The following MACROD2 variants were observed in gnomAD, a reference collection of about 807,000 sequenced individuals.
The protein encoded by MACROD2 is mono-ADP ribosylhydrolase 2.
Under a neutral mutation model 70.4 loss-of-function variants are expected in MACROD2, and 36 were observed. The observed-to-expected ratio is 0.51, with a 90% CI of 0.39 to 0.68. The LOEUF (loss-of-function observed/expected upper bound fraction) is 0.68, where lower values mean the gene tolerates loss of function less well. Ranked by LOEUF, MACROD2 falls within the 30% of genes least tolerant of loss-of-function variation. The pLI is 0.00. For missense variants in MACROD2, 496 were observed against 538.4 expected, an observed-to-expected ratio of 0.92 and a Z score of 0.78; for synonymous variants, 172 against 178.8, an observed-to-expected ratio of 0.96 and a Z score of 0.30.
chr20:15,779,885 T>C (rs2051800296), intron 8 of MACROD2, among the ~76,000 whole-genome samples: 2 of 152,158 alleles, frequency 1.3e-5, no homozygotes, highest in African/African-American at 2.4e-5. Context: ...TGGAGCCTTA[T>C]TGATGTTTTG....
intron 8 of MACROD2, among the ~76,000 whole-genome samples, chr20:15,598,865 T>A (rs1408418038): frequency 6.6e-6 from 1 of 151,198 alleles, no homozygotes; most frequent in African/African-American, 2.4e-5. Flanking sequence ...ACTACAAAAT[T>A]AGTCATTGTT....
At chr20:14,334,806 TA>T (rs780655683) in intron 3 of MACROD2, among the ~76,000 whole-genome samples, 1 of 147,692 alleles carries the variant, frequency 6.8e-6, no homozygotes, top group Non-Finnish European at 1.5e-5. Context: ...TTTTTTTTTT[TA>T]AATAAATGGG....
At chr20:14,130,083 A>G (rs1240979993) in intron 3 of MACROD2, among the ~76,000 whole-genome samples, 1 of 152,214 alleles carries the variant, frequency 6.6e-6, no homozygotes, top group East Asian at 1.9e-4. Context: ...CATTGTGTCT[A>G]CAAGAATCTT....
rs80211873 is a variant in MACROD2, at chr20:14,790,867, C to T, written c.418+105908C>T. On this transcript the variant is annotated intron_variant, in intron 5 of 17. Transcript: ENST00000684519. ...CCAGCGGTGTTGCTTCTCCTCTGTACATTTCCTCAATTGACTTTCAGGTTA... is the reference window on the plus strand; with the variant it reads ...CCAGCGGTGTTGCTTCTCCTCTGTATATTTCCTCAATTGACTTTCAGGTTA... Among the ~76,000 whole-genome samples the T allele has an allele frequency of 6.6e-3, 997 of 152,186 alleles. 17 individuals carry two copies. Among genetic ancestry groups the T allele is most frequent in the African/African-American group, 0.023 (946 of 41,488 alleles).
chr20:15,951,315 A>ACG (rs1229739373), intron 12 of MACROD2, among the ~76,000 whole-genome samples: 2 of 135,976 alleles, frequency 1.5e-5, no homozygotes, highest in Admixed American at 1.4e-4. Context: ...AGACACACAC[A>ACG]CACACACACA....
chr20:15,224,587 A>G (rs113658686), intron 5 of MACROD2, among the ~76,000 whole-genome samples: 3 of 152,202 alleles, frequency 2.0e-5, no homozygotes, highest in African/African-American at 7.2e-5. Context: ...ATTCTTGACA[A>G]TTATTCAAAA....
At chr20:14,468,516 T>TG (rs375125884) in intron 3 of MACROD2, among the ~76,000 whole-genome samples, 16,754 of 103,778 alleles carry the variant, frequency 0.16, 1,650 homozygotes, top group Non-Finnish European at 0.24. Flanking sequence ...TGTCTTTTTT[T>TG]GGGGGGGGGC....
At chr20:14,305,070 A>G (rs1042697109) in intron 3 of MACROD2, among the ~76,000 whole-genome samples, 1 of 152,132 alleles carries the variant, frequency 6.6e-6, no homozygotes, top group Non-Finnish European at 1.5e-5. Flanking sequence ...GGACCCAGGA[A>G]TTAGTTTTGT....
At chr20:15,839,708 A>G (rs6079982) in intron 8 of MACROD2, among the ~76,000 whole-genome samples, 123,808 of 152,138 alleles carry the variant, frequency 0.81, 50,808 homozygotes, top group African/African-American at 0.92. Flanking sequence ...AAAATCCCAG[A>G]TATTTGAGGG....
chr20:14,843,399 A>G (rs1433607863), intron 5 of MACROD2, among the ~76,000 whole-genome samples: 1 of 151,996 alleles, frequency 6.6e-6, no homozygotes, highest in African/African-American at 2.4e-5. Flanking sequence ...GAATAAAAAT[A>G]CATATCTTGG....
intron 12 of MACROD2, among the ~76,000 whole-genome samples, chr20:15,961,722 C>T (rs1050091382): frequency 6.6e-6 from 1 of 152,222 alleles, no homozygotes; most frequent in African/African-American, 2.4e-5. Context: ...GTAAATAAAA[C>T]ACTTGTACTC....
At chr20:14,947,642 C>G (rs374287606) in intron 5 of MACROD2, among the ~76,000 whole-genome samples, 4 of 152,166 alleles carry the variant, frequency 2.6e-5, no homozygotes, top group African/African-American at 4.8e-5. Flanking sequence ...GCCTACCCCC[C>G]ACCCTGCAGA....
chr20:15,943,189 A>G (rs937966652), intron 12 of MACROD2, among the ~76,000 whole-genome samples: 3 of 152,212 alleles, frequency 2.0e-5, no homozygotes, highest in Admixed American at 2.0e-4. Context: ...AGTGTGCAAG[A>G]GATGAGAGCA....
intron 2 of MACROD2, among the ~76,000 whole-genome samples, chr20:14,020,601 T>C (rs1392108960): frequency 2.0e-5 from 3 of 152,272 alleles, no homozygotes; most frequent in Non-Finnish European, 4.4e-5. Flanking sequence ...GACTATTATG[T>C]GGTAACTCTG....
chr20:14,289,711 T>G (rs2082370662), intron 3 of MACROD2, among the ~76,000 whole-genome samples: 1 of 152,120 alleles, frequency 6.6e-6, no homozygotes, highest in Non-Finnish European at 1.5e-5. Context: ...CTGGCTAATT[T>G]CTGCATTTTT....
chr20:16,023,977 C>T (rs892381291), intron 15 of MACROD2, among the ~76,000 whole-genome samples: 1 of 152,164 alleles, frequency 6.6e-6, no homozygotes, highest in Non-Finnish European at 1.5e-5. Flanking sequence ...GGGATACCAT[C>T]AGAGTGCAGA....
intron 8 of MACROD2, among the ~76,000 whole-genome samples, chr20:15,699,916 C>T (rs909347696): frequency 6.6e-6 from 1 of 152,114 alleles, no homozygotes; most frequent in African/African-American, 2.4e-5. Flanking sequence ...ACCTAGGAAG[C>T]CCCCAGGGCC....
At chr20:14,555,630 A>G (rs1187806397) in intron 4 of MACROD2, among the ~76,000 whole-genome samples, 1 of 151,992 alleles carries the variant, frequency 6.6e-6, no homozygotes, top group Non-Finnish European at 1.5e-5. Context: ...CCTTGAAGAC[A>G]CCTATATTCC....
At chr20:14,266,729 T>G (rs1486174047) in intron 3 of MACROD2, among the ~76,000 whole-genome samples, 1 of 152,232 alleles carries the variant, frequency 6.6e-6, no homozygotes, top group Admixed American at 6.5e-5. Flanking sequence ...ATGGAAAGTT[T>G]AGAAGAGACT....
Sources: gnomAD v4.1 joint callset for allele counts (sites outside exome capture counted in the v4.1 genomes callset) on GRCh38, gnomAD v4.1.1 for gene constraint, MANE v1.5 for transcripts, NCBI Gene and HGNC (gene_info 2026-07-23, HGNC 2026-07-21) for gene names.